The following SDHC variants were observed in gnomAD, a reference collection of about 807,000 sequenced individuals.
The protein encoded by SDHC is succinate dehydrogenase cytochrome b560 subunit, mitochondrial.
Under a neutral mutation model 22.6 loss-of-function variants are expected in SDHC, and 11 were observed. That is an observed-to-expected ratio of 0.49 (90% CI 0.31 to 0.81). The LOEUF (loss-of-function observed/expected upper bound fraction) is 0.81. Among genes scored for constraint, SDHC ranks in the 30% least tolerant of loss-of-function variants. The pLI, the probability that SDHC is intolerant of heterozygous loss-of-function variation, is 0.05. For synonymous variants in SDHC, 80 were observed against 77.8 expected (o/e 1.03, Z -0.15); for missense variants, 160 against 212.0 (o/e 0.75, Z 1.52).
At chr1:161,331,660 G>C (rs1470113579) in intron 3 of SDHC, among the ~76,000 whole-genome samples, 1 of 149,496 alleles carries the variant, frequency 6.7e-6, no homozygotes, top group East Asian at 2.0e-4. Context: ...CAGTGGCGCA[G>C]TCCCGGCTCA....
chr1:161,325,660 C>T lies in SDHC; in HGVS notation c.77+1990C>T, dbSNP rs147337294. Among the ~76,000 whole-genome samples the T allele has an allele frequency of 3.5e-4, 54 of 152,224 alleles. 2 individuals are homozygous for T. In the East Asian group the frequency reaches 0.01, roughly 29 times the overall value. On this transcript the variant is annotated intron_variant, in intron 2 of 5. Coordinates refer to ENST00000367975, the MANE Select transcript of SDHC (RefSeq NM_003001.5). ...TGGCTGTTTAATAGTTGGTTTCAAC[C>T]TAGCCCAGTGACAAAGGAAACCAAG...
Position 161,340,586 on chromosome 1 carries a change from C to T in SDHC, c.180-8C>T. The T allele has an allele frequency of 6.2e-7, 1 of 1,612,918 alleles. No individual in the cohort carries two copies. The highest frequency in any genetic ancestry group is 1.3e-5 in the African/African-American group (1 of 74,982). On this transcript the variant is annotated splice_polypyrimidine_tract_variant and splice_region_variant and intron_variant, in intron 3 of 5. Coordinates refer to ENST00000367975, the MANE Select transcript of SDHC (RefSeq NM_003001.5). The stretch of plus-strand genomic sequence containing the variant: ...TTTTTAAAATTGTCTTTGTGTGTTT[C>T]TTTACAGTTGGTCTCTTCCCATGGC...
chr1:161,332,626 CTT>C (rs1671321137), intron 3 of SDHC, among the ~76,000 whole-genome samples: 1 of 148,314 alleles, frequency 6.7e-6, no homozygotes, highest in Non-Finnish European at 1.5e-5. Flanking sequence ...AGAATATTTT[CTT>C]TTTCTTTCTT....
At chr1:161,339,265 C>T (rs930100169) in intron 3 of SDHC, among the ~76,000 whole-genome samples, 2 of 152,100 alleles carry the variant, frequency 1.3e-5, no homozygotes, top group African/African-American at 4.8e-5. Context: ...TCACTGCAGT[C>T]TGGAGTTCCT....
At chr1:161,327,086 G>C (rs542320126) in intron 2 of SDHC, among the ~76,000 whole-genome samples, 3 of 152,124 alleles carry the variant, frequency 2.0e-5, no homozygotes, top group Admixed American at 2.0e-4. Flanking sequence ...CATCATGCTT[G>C]GCTAAATTTT....
chr1:161,362,231 A>C (rs1310900278), intron 5 of SDHC, 98 bp from the exon 6 acceptor site: 3 of 1,377,852 alleles, frequency 2.2e-6, no homozygotes, highest in Non-Finnish European at 3.0e-6. Flanking sequence ...TGCTGAGAGG[A>C]GATATCTATT....
In SDHC at chr1:161,348,359, A is replaced by G. The variant is rs576620089; in HGVS notation, c.241+7704A>G. Among the ~76,000 whole-genome samples the G allele has an allele frequency of 4.6e-5, 7 of 151,516 alleles. No homozygotes were observed. The South Asian group carries it at 1.5e-3, about 32-fold the overall frequency. ...TTTTTAGTAGAGACGGGATTTCACC[A>G]TGTTGGCCAGGCTGGTCTTGAACTC... On this transcript the variant is annotated intron_variant, in intron 4 of 5. Coordinates refer to ENST00000367975, the MANE Select transcript of SDHC (RefSeq NM_003001.5).
chr1:161,360,138 A>G (rs1462552369), intron 5 of SDHC, among the ~76,000 whole-genome samples: 1 of 151,462 alleles, frequency 6.6e-6, no homozygotes, highest in Non-Finnish European at 1.5e-5. Context: ...TTAAGGCGCC[A>G]TGTATGTGGG....
Position 161,356,791 on chromosome 1 carries a change from C to T in SDHC, c.356C>T (p.Ala119Val). 2 of 1,614,140 alleles carry T rather than the reference C, an allele frequency of 1.2e-6. No homozygotes were observed. The highest frequency in any genetic ancestry group is 1.3e-5 in the African/African-American group (1 of 75,034). Residue 119 changes from alanine (A) to valine (V), a missense_variant, in exon 5 of 6, where the codon GCA becomes GTA. Ala to Val is a moderately conservative substitution (Grantham distance 64, BLOSUM62 0). Coordinates refer to ENST00000367975, the MANE Select transcript of SDHC (RefSeq NM_003001.5). ...GPALIHTAKFALVFPLMYHTW... is the reference protein window; with the variant it reads ...GPALIHTAKFVLVFPLMYHTW... ...GCACTGATCCACACAGCTAAGTTTG[C>T]ACTTGTCTTCCCTCTCATGTATCAT...
At position 161,346,403 on chromosome 1, in the gene SDHC, C is replaced by CT. The variant is rs765675394; in HGVS notation, c.241+5760dup. Among the ~76,000 whole-genome samples, 389 of 144,800 alleles carry CT rather than the reference C, an allele frequency of 2.7e-3. 1 individual carries two copies. Among genetic ancestry groups the CT allele is most frequent in the African/African-American group, 8.1e-3 (322 of 39,760 alleles). 95.0% of individuals were successfully genotyped at this position (144,800 alleles called of 152,430 possible). ...AAATATTTATAATGCACTGTGATAG[C>CT]TTTTTTTTTTTTCGAGACAGAGTTT... On this transcript the variant is annotated intron_variant, in intron 4 of 5. Coordinates refer to ENST00000367975, the MANE Select transcript of SDHC (RefSeq NM_003001.5).
intron 4 of SDHC, among the ~76,000 whole-genome samples, chr1:161,344,501 C>T (rs1298607522): frequency 6.6e-6 from 1 of 151,748 alleles, no homozygotes; most frequent in Non-Finnish European, 1.5e-5. Flanking sequence ...TCTGTCTTTA[C>T]CCCTTTGAAT....
At chr1:161,346,159 A>G (rs116650068) in intron 4 of SDHC, among the ~76,000 whole-genome samples, 2,038 of 152,208 alleles carry the variant, frequency 0.013, 42 homozygotes, top group African/African-American at 0.046. Flanking sequence ...TACTCTATCT[A>G]TCTTATTTAC....
At chr1:161,356,595 G>A (rs2102369898) in intron 4 of SDHC, 82 bp from the exon 5 acceptor site, 1 of 1,364,260 alleles carries the variant, frequency 7.3e-7, no homozygotes, top group South Asian at 1.2e-5. Context: ...AATTGTATGA[G>A]GTGCCAGGGG....
intron 1 of SDHC, among the ~76,000 whole-genome samples, chr1:161,322,276 GA>G (rs778333382): frequency 1.2e-4 from 19 of 152,082 alleles, no homozygotes; most frequent in South Asian, 4.2e-4. Context: ...ATTCTCCTTA[GA>G]ATGCCTAGGC....
intron 1 of SDHC, among the ~76,000 whole-genome samples, chr1:161,323,393 T>C (rs1332783934): frequency 3.3e-5 from 5 of 152,242 alleles, no homozygotes; most frequent in African/African-American, 1.2e-4. Context: ...TTATTTGTGT[T>C]TGATTAACTC....
chr1:161,328,280 GC>G (rs1468298000), intron 2 of SDHC, 115 bp from the exon 3 acceptor site: 2 of 837,976 alleles, frequency 2.4e-6, no homozygotes, highest in Non-Finnish European at 4.1e-6. Flanking sequence ...GAGATTACAG[GC>G]CTGAGCAACC....
chr1:161,339,674 T>C, intron 3 of SDHC: 1 of 364,804 alleles, frequency 2.7e-6, no homozygotes, highest in Non-Finnish European at 4.2e-6. Context: ...TTTTTTTTTT[T>C]TTTTTTTTTT....
intron 2 of SDHC, among the ~76,000 whole-genome samples, chr1:161,327,129 A>G (rs1417870653): frequency 6.6e-6 from 1 of 151,740 alleles, no homozygotes; most frequent in Non-Finnish European, 1.5e-5. Context: ...GGGTTTTGCC[A>G]TGTTGCCCAG....
intron 5 of SDHC, among the ~76,000 whole-genome samples, chr1:161,361,951 A>G (rs1368965919): frequency 6.6e-6 from 1 of 151,840 alleles, no homozygotes; most frequent in Non-Finnish European, 1.5e-5. Context: ...ATGGCTTTCA[A>G]CATTCTGAGA....
Sources: allele counts gnomAD v4.1 joint callset (sites outside exome capture counted in the v4.1 genomes callset), GRCh38; gene constraint gnomAD v4.1.1; transcripts MANE v1.5; gene names NCBI Gene and HGNC (gene_info 2026-07-23, HGNC 2026-07-21).